Variants in AHCYL2 observed in about 807,000 individuals in gnomAD.
AHCYL2 encodes adenosylhomocysteinase like 2.
In AHCYL2, 28 loss-of-function variants were observed where a neutral mutation model predicts 81.4. The ratio of observed to expected loss-of-function variants is 0.34; its 90% confidence interval spans 0.25 to 0.47. The LOEUF (loss-of-function observed/expected upper bound fraction) is 0.47. AHCYL2 is among the 20% of genes least tolerant of loss of function. The pLI is 1.00. For missense variants in AHCYL2, 551 were observed against 785.1 expected, an observed-to-expected ratio of 0.70 and a Z score of 3.56; for synonymous variants, 272 against 290.2, an observed-to-expected ratio of 0.94 and a Z score of 0.64.
chr7:129,393,328 G>A (rs1795560548), intron 4 of AHCYL2, among the ~76,000 whole-genome samples: 1 of 152,188 alleles, frequency 6.6e-6, no homozygotes, highest in Admixed American at 6.5e-5. Context: ...TGAGGTGGGA[G>A]GATTGATTGA....
At chr7:129,339,190 CTTAT>C (rs2150812845) in intron 1 of AHCYL2, among the ~76,000 whole-genome samples, 1 of 152,250 alleles carries the variant, frequency 6.6e-6, no homozygotes, top group Admixed American at 6.5e-5. Context: ...CTTATGTTTG[CTTAT>C]TTGTTTGTTT....
intron 1 of AHCYL2, chr7:129,377,717 C>A (rs1454626928): frequency 2.2e-5 from 9 of 409,150 alleles, no homozygotes; most frequent in Admixed American, 1.2e-4. Context: ...ACAGAGAAAA[C>A]AAAAAAGTTA....
chr7:129,252,626 G>T (rs963773675), intron 1 of AHCYL2, among the ~76,000 whole-genome samples: 1 of 152,146 alleles, frequency 6.6e-6, no homozygotes, highest in Non-Finnish European at 1.5e-5. Context: ...TATTGTCTGG[G>T]GGTGGTGGCA....
chr7:129,381,343 C>T (rs915775093), intron 2 of AHCYL2, among the ~76,000 whole-genome samples: 1 of 152,040 alleles, frequency 6.6e-6, no homozygotes, highest in Admixed American at 6.6e-5. Flanking sequence ...TAAAAAATAT[C>T]TATTTACCTG....
intron 1 of AHCYL2, among the ~76,000 whole-genome samples, chr7:129,339,705 T>G (rs974870205): frequency 1.3e-5 from 2 of 152,062 alleles, no homozygotes; most frequent in African/African-American, 4.8e-5. Context: ...CTAATTATTT[T>G]TTTTTTTTAG....
intron 4 of AHCYL2, among the ~76,000 whole-genome samples, chr7:129,390,395 T>G (rs1297185193): frequency 1.3e-5 from 2 of 152,204 alleles, no homozygotes; most frequent in Non-Finnish European, 2.9e-5. Flanking sequence ...ATGGGAGTGC[T>G]GGAATAAATC....
chr7:129,285,593 A>G (rs924852357), intron 1 of AHCYL2, among the ~76,000 whole-genome samples: 1 of 152,104 alleles, frequency 6.6e-6, no homozygotes, highest in Non-Finnish European at 1.5e-5. Context: ...CTTTCCCCAG[A>G]GGGAAATGTT....
At chr7:129,402,275 T>G (rs1329698989) in intron 6 of AHCYL2, among the ~76,000 whole-genome samples, 1 of 152,144 alleles carries the variant, frequency 6.6e-6, no homozygotes, top group Non-Finnish European at 1.5e-5. Flanking sequence ...AGTCCTAACT[T>G]GGATCCTGGT....
At chr7:129,241,862 A>T (rs1036522739) in intron 1 of AHCYL2, among the ~76,000 whole-genome samples, 2 of 151,970 alleles carry the variant, frequency 1.3e-5, no homozygotes, top group South Asian at 2.1e-4. Flanking sequence ...TATTTTTTTT[A>T]AAAAAGGGAG....
intron 12 of AHCYL2, 124 bp downstream of exon 12, chr7:129,413,812 C>G: frequency 2.6e-6 from 2 of 754,814 alleles, no homozygotes; most frequent in South Asian, 3.2e-5. Flanking sequence ...TTGTCCACAT[C>G]TTTTCACTTA....
intron 10 of AHCYL2, among the ~76,000 whole-genome samples, chr7:129,408,617 G>GCTATGAGGTGCT (rs1291101256): frequency 6.6e-6 from 1 of 152,186 alleles, no homozygotes; most frequent in East Asian, 1.9e-4. Context: ...TGGCTAATTT[G>GCTATGAGGTGCT]ATCCTTGGCT....
At chr7:129,356,719 A>G (rs1793746043) in intron 1 of AHCYL2, among the ~76,000 whole-genome samples, 1 of 152,270 alleles carries the variant, frequency 6.6e-6, no homozygotes, top group South Asian at 2.1e-4. Flanking sequence ...TTGATCTCCT[A>G]ATGGAAACAG....
chr7:129,285,692 CTCTCTTT>C (rs1157822165), intron 1 of AHCYL2, among the ~76,000 whole-genome samples: 7 of 128,762 alleles, frequency 5.4e-5, no homozygotes, highest in African/African-American at 1.1e-4. Flanking sequence ...CTTTCTCTCT[CTCTCTTT>C]TTTTTTTTTT....
chr7:129,332,704 A>G (rs1453265737), intron 1 of AHCYL2, among the ~76,000 whole-genome samples: 1 of 152,240 alleles, frequency 6.6e-6, no homozygotes, highest in Non-Finnish European at 1.5e-5. Context: ...TGAGCCGATC[A>G]TAAACAAATA....
At chr7:129,418,479 T>G (rs1796962798) in intron 12 of AHCYL2, among the ~76,000 whole-genome samples, 1 of 152,068 alleles carries the variant, frequency 6.6e-6, no homozygotes, top group South Asian at 2.1e-4. Flanking sequence ...TTTTGTGTTT[T>G]TAGTAGAGTC....
chr7:129,297,555 G>A lies in AHCYL2; in HGVS notation c.363+72116G>A, dbSNP rs188973543. On this transcript the variant is annotated intron_variant, in intron 1 of 16. Coordinates refer to ENST00000325006, the MANE Select transcript of AHCYL2 (RefSeq NM_015328.4). ...CCTATAGACTGCTAGAAATTTCTAC[G>A]TAGCTCTGGACTACGGGTCCCGAAG... Among the ~76,000 whole-genome samples the A allele has an allele frequency of 2.8e-3, 432 of 152,246 alleles. 4 individuals carry two copies. The highest frequency in any genetic ancestry group is 9.8e-3 in the African/African-American group (407 of 41,534).
intron 11 of AHCYL2, among the ~76,000 whole-genome samples, chr7:129,411,127 C>T (rs1433036205): frequency 1.3e-5 from 2 of 151,902 alleles, no homozygotes; most frequent in South Asian, 2.1e-4. Context: ...GCACATTTCA[C>T]ACATTTAAAT....
At chr7:129,260,938 G>A (rs1455926965) in intron 1 of AHCYL2, among the ~76,000 whole-genome samples, 1 of 152,084 alleles carries the variant, frequency 6.6e-6, no homozygotes. Context: ...ACAGGCGTAC[G>A]CCACCACCCT....
intron 1 of AHCYL2, among the ~76,000 whole-genome samples, chr7:129,266,229 T>C (rs1795806546): frequency 6.6e-6 from 1 of 152,246 alleles, no homozygotes; most frequent in Non-Finnish European, 1.5e-5. Flanking sequence ...TTTCAGCCTT[T>C]ATCGGTTAGG....
Sources: allele counts gnomAD v4.1 joint callset (sites outside exome capture counted in the v4.1 genomes callset), GRCh38; gene constraint gnomAD v4.1.1; transcripts MANE v1.5; gene names NCBI Gene and HGNC (gene_info 2026-07-23, HGNC 2026-07-21).